The following FFAR4 variants were observed in gnomAD, a reference collection of about 807,000 sequenced individuals.
FFAR4 encodes G-protein coupled receptor 120.
A neutral mutation model predicts 27.0 loss-of-function variants in FFAR4; 19 were observed. The ratio of observed to expected loss-of-function variants is 0.70; its 90% CI spans 0.49 to 1.03. The LOEUF is 1.03. Ranked by LOEUF, FFAR4 falls within the 50% of genes least tolerant of loss-of-function variation. The pLI is 0.00. For synonymous variants in FFAR4, 254 were observed against 215.6 expected (o/e 1.18, Z -1.56); for missense variants, 476 against 479.0 (o/e 0.99, Z 0.06).
intron 2 of FFAR4, among the ~76,000 whole-genome samples, chr10:93,580,064 T>C (rs1338625911): frequency 6.6e-6 from 1 of 152,204 alleles, no homozygotes; most frequent in African/African-American, 2.4e-5. Flanking sequence ...CTTGGTACCA[T>C]GAGTTTGCCA....
intron 1 of FFAR4, 44 bp downstream of exon 1, chr10:93,567,331 C>A: frequency 6.4e-7 from 1 of 1,556,498 alleles, no homozygotes; most frequent in Non-Finnish European, 8.6e-7. Context: ...CCTGCGCAGG[C>A]TGGGAAGCGG....
intron 2 of FFAR4, among the ~76,000 whole-genome samples, chr10:93,578,416 C>CAAAAAAAAA (rs762326870): frequency 5.0e-5 from 3 of 60,194 alleles, no homozygotes; most frequent in African/African-American, 1.8e-4. Flanking sequence ...GATTCCCTCT[C>CAAAAAAAAA]AAAAAAAAAA....
At chr10:93,571,261 A>T (rs946045745) in intron 1 of FFAR4, among the ~76,000 whole-genome samples, 2 of 152,126 alleles carry the variant, frequency 1.3e-5, no homozygotes, top group Non-Finnish European at 2.9e-5. Flanking sequence ...AAGACTGTCT[A>T]TCCTGGCCAG....
intron 1 of FFAR4, among the ~76,000 whole-genome samples, chr10:93,568,373 G>A (rs1370830423): frequency 6.6e-6 from 1 of 152,170 alleles, no homozygotes; most frequent in Non-Finnish European, 1.5e-5. Context: ...TGGGTTCTTG[G>A]CCTCCCCTTC....
intron 2 of FFAR4, among the ~76,000 whole-genome samples, chr10:93,585,527 TAGTC>T (rs1205018693): frequency 6.6e-6 from 1 of 152,212 alleles, no homozygotes; most frequent in Admixed American, 6.5e-5. Flanking sequence ...GTCAATCTCA[TAGTC>T]AGTTCAAAGC....
At chr10:93,585,873 A>G (rs1363363425) in intron 2 of FFAR4, among the ~76,000 whole-genome samples, 1 of 152,242 alleles carries the variant, frequency 6.6e-6, no homozygotes, top group Non-Finnish European at 1.5e-5. Context: ...GGCTCCTGAC[A>G]GAAGCTGCCC....
chr10:93,577,687 T>C (rs2058172438), intron 2 of FFAR4, among the ~76,000 whole-genome samples: 1 of 152,226 alleles, frequency 6.6e-6, no homozygotes, highest in Admixed American at 6.5e-5. Flanking sequence ...AGAACTTATT[T>C]AACAAATATT....
Position 93,566,764 on chromosome 10 carries a change from G to A in FFAR4, c.44G>A (p.Arg15His), listed in dbSNP as rs749790298. ...CGGGCAGCGGGCGACGCGCCCTTGC[G>A]CAGCCTGGAGCAAGCCAACCGCACC... is the stretch of plus-strand genomic sequence containing the variant. ...CARAAGDAPLRSLEQANRTRF... is the reference protein window; with the variant it reads ...CARAAGDAPLHSLEQANRTRF... The change falls in exon 1 of 3, where the codon CGC becomes CAC. Residue 15 changes from arginine (R) to histidine (H), a missense_variant. Arg to His is a conservative substitution (Grantham distance 29). Coordinates refer to ENST00000371481, the MANE Select transcript of FFAR4 (RefSeq NM_001195755.2). 1.2e-6 allele frequency: 2 copies of A among 1,606,392 alleles called. No individual in the cohort carries two copies. The highest frequency in any genetic ancestry group is 1.7e-6 in the Non-Finnish European group (2 of 1,178,742).
rs2058237580 is a variant in FFAR4, at chr10:93,587,663, A to T, written c.*54A>T. 1.3e-6 allele frequency: 2 copies of T among 1,549,156 alleles called. No homozygotes were observed. The highest frequency in any genetic ancestry group is 3.5e-5 in the Admixed American group (2 of 56,668). On this transcript the variant is annotated 3_prime_UTR_variant, in exon 3 of 3. Transcript: ENST00000371481. Reference sequence around the variant, plus strand: ...CTGGCGAGCTGTGGCATGCTTTTAAACAGAGTTCATTTCCAGTACCCTCCA... The same window carrying T: ...CTGGCGAGCTGTGGCATGCTTTTAATCAGAGTTCATTTCCAGTACCCTCCA...
At chr10:93,568,011 C>T (rs549751179) in intron 1 of FFAR4, among the ~76,000 whole-genome samples, 1 of 152,302 alleles carries the variant, frequency 6.6e-6, no homozygotes, top group East Asian at 1.9e-4. Flanking sequence ...CTCTGTTTTA[C>T]ATAGCGGGTC....
intron 1 of FFAR4, among the ~76,000 whole-genome samples, chr10:93,570,560 C>G (rs1434726311): frequency 6.6e-6 from 1 of 152,064 alleles, no homozygotes; most frequent in Non-Finnish European, 1.5e-5. Flanking sequence ...TAACCCAAAC[C>G]ACACGCTGAG....
chr10:93,567,378 C>G (rs964991741), intron 1 of FFAR4, 91 bp downstream of exon 1: 1 of 1,092,952 alleles, frequency 9.1e-7, no homozygotes, highest in Admixed American at 2.5e-5. Context: ...TGATCAAGAA[C>G]AACAATAGCC....
chr10:93,568,700 G>T (rs1281253151), intron 1 of FFAR4, among the ~76,000 whole-genome samples: 1 of 152,162 alleles, frequency 6.6e-6, no homozygotes, highest in East Asian at 1.9e-4. Context: ...CCCTTTTATT[G>T]GGGGTAGGAT....
Position 93,588,103 on chromosome 10 carries a change from A to AG in FFAR4, c.*494_*495insG, listed in dbSNP as rs1376256803. The stretch of plus-strand genomic sequence containing the variant: ...TGAAACTCCATCTTAAAAAAAAAAA[A>AG]AAAAAGATTTGTTATGGGTTCCTTT... On this transcript the variant is annotated 3_prime_UTR_variant, in exon 3 of 3. Transcript: ENST00000371481. The AG allele has an allele frequency of 6.6e-6, 1 of 152,572 alleles. No homozygotes were observed. The highest frequency in any genetic ancestry group is 2.4e-5 in the African/African-American group (1 of 41,360). 9.5% of individuals were successfully genotyped at this position (152,572 alleles called of 1,614,324 possible).
At chr10:93,584,983 C>A (rs2058218974) in intron 2 of FFAR4, among the ~76,000 whole-genome samples, 1 of 152,204 alleles carries the variant, frequency 6.6e-6, no homozygotes, top group Admixed American at 6.5e-5. Context: ...GCTGAGATTC[C>A]AGGCATGAGC....
At chr10:93,576,273 C>T in intron 2 of FFAR4, 54 bp downstream of exon 2, 1 of 1,597,336 alleles carries the variant, frequency 6.3e-7, no homozygotes, top group South Asian at 1.1e-5. Flanking sequence ...GGGGTTATTT[C>T]TGCTAGAATC....
chr10:93,587,637 C>T lies in FFAR4; in HGVS notation c.*28C>T. 6.3e-7 allele frequency: 1 copy of T among 1,595,268 alleles called. No individual in the cohort carries two copies. The highest frequency in any genetic ancestry group is 8.5e-7 in the Non-Finnish European group (1 of 1,173,452). ...TTTCTTTATAGCCGAGTTTCTCACA[C>T]CTGGCGAGCTGTGGCATGCTTTTAA... On this transcript the variant is annotated 3_prime_UTR_variant, in exon 3 of 3. Coordinates refer to ENST00000371481, the MANE Select transcript of FFAR4 (RefSeq NM_001195755.2).
intron 2 of FFAR4, among the ~76,000 whole-genome samples, chr10:93,577,091 A>G (rs575191657): frequency 6.6e-6 from 1 of 152,346 alleles, no homozygotes; most frequent in African/African-American, 2.4e-5. Context: ...AAATATGTAC[A>G]GGGACATAAA....
At chr10:93,568,691 C>T (rs920187946) in intron 1 of FFAR4, among the ~76,000 whole-genome samples, 1 of 152,116 alleles carries the variant, frequency 6.6e-6, no homozygotes, top group African/African-American at 2.4e-5. Context: ...CTCACACAGC[C>T]CTTTTATTGG....
Sources: gnomAD v4.1 joint callset for allele counts (sites outside exome capture counted in the v4.1 genomes callset) on GRCh38, gnomAD v4.1.1 for gene constraint, MANE v1.5 for transcripts, NCBI Gene and HGNC (gene_info 2026-07-23, HGNC 2026-07-21) for gene names.